Variants in CLVS1 observed in about 807,000 individuals in gnomAD.
The protein encoded by CLVS1 is clavesin-1.
A neutral mutation model predicts 33.1 loss-of-function variants in CLVS1; 10 were observed. The observed-to-expected ratio is 0.30, with a 90% confidence interval of 0.19 to 0.51. The LOEUF is 0.51. Ranked by LOEUF, CLVS1 falls within the 20% of genes least tolerant of loss-of-function variation. The pLI is 0.97. For missense variants in CLVS1, 343 were observed against 433.4 expected, an observed-to-expected ratio of 0.79 and a Z score of 1.85; for synonymous variants, 163 against 166.1, an observed-to-expected ratio of 0.98 and a Z score of 0.14.
chr8:61,487,064 A>T (rs1156877681), intron 5 of CLVS1, among the ~76,000 whole-genome samples: 1 of 152,200 alleles, frequency 6.6e-6, no homozygotes, highest in Non-Finnish European at 1.5e-5. Flanking sequence ...AAGCACCGAG[A>T]TCTTGTTAAA....
At position 61,358,672 on chromosome 8, in the gene CLVS1, G is replaced by C. The variant is rs576473967; in HGVS notation, c.456-17933G>C. 2.0e-5 allele frequency among the ~76,000 whole-genome samples: 3 copies of C among 152,276 alleles called. No individual in the cohort carries two copies. The South Asian group carries it at 6.2e-4, about 32-fold the overall frequency. On this transcript the variant is annotated intron_variant, in intron 2 of 5. Coordinates refer to ENST00000325897, the MANE Select transcript of CLVS1 (RefSeq NM_173519.3). ...GGATTGAGAACCCATCTTCACTATT[G>C]AGGTCTGAGTATGCCCAGAAGAGAG...
chr8:61,411,565 A>C (rs558281959), intron 3 of CLVS1, among the ~76,000 whole-genome samples: 2 of 152,356 alleles, frequency 1.3e-5, no homozygotes, highest in East Asian at 3.9e-4. Context: ...GCAGCTCTCC[A>C]GGACTAGTAA....
chr8:61,251,189 T>C (rs1484756618), intron 2 of CLVS1, among the ~76,000 whole-genome samples: 3 of 152,230 alleles, frequency 2.0e-5, no homozygotes, highest in Admixed American at 2.0e-4. Flanking sequence ...GTTTTTGTCA[T>C]TGGTTCTGTT....
At chr8:61,422,339 GT>G (rs1455804380) in intron 3 of CLVS1, among the ~76,000 whole-genome samples, 2 of 152,190 alleles carry the variant, frequency 1.3e-5, no homozygotes, top group Non-Finnish European at 2.9e-5. Context: ...CTGATGTTGA[GT>G]TGAGTGCTGG....
chr8:61,474,287 A>G (rs1817834849), intron 5 of CLVS1, among the ~76,000 whole-genome samples: 1 of 152,156 alleles, frequency 6.6e-6, no homozygotes, highest in African/African-American at 2.4e-5. Flanking sequence ...TAAGGTGAAG[A>G]TTTAAAGGTA....
At chr8:61,424,484 G>T (rs1297489604) in intron 3 of CLVS1, among the ~76,000 whole-genome samples, 1 of 152,200 alleles carries the variant, frequency 6.6e-6, no homozygotes, top group Non-Finnish European at 1.5e-5. Flanking sequence ...TTATTACCAT[G>T]TAACAGTAGA....
intron 3 of CLVS1, among the ~76,000 whole-genome samples, chr8:61,381,142 G>A (rs904863462): frequency 5.3e-5 from 8 of 150,396 alleles, no homozygotes; most frequent in African/African-American, 2.0e-4. Flanking sequence ...CTTTATTCAA[G>A]GTTTATTGTG....
chr8:61,120,706 C>G (rs1359167178), intron 1 of CLVS1, among the ~76,000 whole-genome samples: 14 of 142,292 alleles, frequency 9.8e-5, no homozygotes, highest in Admixed American at 1.4e-4. Context: ...GTCAGGGACC[C>G]ACTTGAGGAG....
chr8:61,224,998 C>T (rs1270447583), intron 2 of CLVS1, among the ~76,000 whole-genome samples: 2 of 152,268 alleles, frequency 1.3e-5, no homozygotes, highest in African/African-American at 4.8e-5. Flanking sequence ...AAAGTAATTT[C>T]ATAGTTTGGA....
chr8:61,227,857 C>G (rs997796395), intron 2 of CLVS1, among the ~76,000 whole-genome samples: 4 of 150,794 alleles, frequency 2.7e-5, no homozygotes, highest in African/African-American at 9.8e-5. Flanking sequence ...GCTGTGAAGG[C>G]CCAGACAAAA....
chr8:61,336,354 T>C (rs748442359), intron 2 of CLVS1, among the ~76,000 whole-genome samples: 21 of 152,226 alleles, frequency 1.4e-4, no homozygotes, highest in Non-Finnish European at 3.1e-4. Context: ...GAAGCAAATG[T>C]CTTCTTCCAA....
At chr8:61,064,170 A>G (rs1224643439) in intron 1 of CLVS1, among the ~76,000 whole-genome samples, 2 of 152,192 alleles carry the variant, frequency 1.3e-5, no homozygotes, top group Non-Finnish European at 2.9e-5. Context: ...TACTGGGACC[A>G]ATGCTGCTAT....
At position 61,060,068 on chromosome 8, in the gene CLVS1, C is replaced by T. The variant is rs141759218; in HGVS notation, c.-243+2838C>T. ...CGGAATGACCTTGGCAGTAGGATCACTCACCTTTGGGCTGTAGCATGATAG... is the reference window on the plus strand; with the variant it reads ...CGGAATGACCTTGGCAGTAGGATCATTCACCTTTGGGCTGTAGCATGATAG... On this transcript the variant is annotated intron_variant, in intron 1 of 2. Transcript: ENST00000522621. Among the ~76,000 whole-genome samples the T allele has an allele frequency of 5.6e-4, 86 of 152,254 alleles. 1 individual carries two copies. Among genetic ancestry groups the T allele is most frequent in the African/African-American group, 1.9e-3 (81 of 41,550 alleles).
chr8:61,134,748 C>T (rs1317964228), intron 2 of CLVS1, among the ~76,000 whole-genome samples: 1 of 152,152 alleles, frequency 6.6e-6, no homozygotes, highest in Admixed American at 6.5e-5. Flanking sequence ...TACACTGAGC[C>T]CACCCAGGTA....
chr8:61,447,331 A>G (rs1214141994), intron 3 of CLVS1, among the ~76,000 whole-genome samples: 1 of 152,016 alleles, frequency 6.6e-6, no homozygotes, highest in Admixed American at 6.6e-5. Context: ...TTAATTTACT[A>G]TGCTAATCTC....
chr8:61,261,595 G>T (rs912777441), intron 2 of CLVS1, among the ~76,000 whole-genome samples: 2 of 152,132 alleles, frequency 1.3e-5, no homozygotes, highest in African/African-American at 4.8e-5. Flanking sequence ...GAGCTTTGGG[G>T]AGGTGATTAT....
chr8:61,268,391 C>T (rs1809357824), intron 2 of CLVS1, among the ~76,000 whole-genome samples: 1 of 150,990 alleles, frequency 6.6e-6, no homozygotes, highest in African/African-American at 2.4e-5. Flanking sequence ...GTATATGTGC[C>T]ACATTTTCTT....
chr8:60,991,838 C>T, the CLVS1 span, among the ~76,000 whole-genome samples: 5 of 151,712 alleles, frequency 3.3e-5, no homozygotes, highest in African/African-American at 1.2e-4. Flanking sequence ...CCTCCATCTC[C>T]CGGGTTCAAG....
chr8:61,137,469 G>C (rs998384816), intron 2 of CLVS1, among the ~76,000 whole-genome samples: 1 of 152,120 alleles, frequency 6.6e-6, no homozygotes, highest in African/African-American at 2.4e-5. Context: ...TTCTTCAGTT[G>C]TCATGAGGTG....
Sources: allele counts gnomAD v4.1 joint callset (sites outside exome capture counted in the v4.1 genomes callset), GRCh38; gene constraint gnomAD v4.1.1; transcripts MANE v1.5; gene names NCBI Gene and HGNC (gene_info 2026-07-23, HGNC 2026-07-21).